MUS81: variants seen among roughly 807,000 people sequenced by gnomAD.
MUS81 encodes the protein MUS81 structure-specific endonuclease subunit.
Under a neutral mutation model 74.2 loss-of-function variants are expected in MUS81, and 69 were observed. That is an observed-to-expected ratio of 0.93 (90% CI 0.77 to 1.14). The LOEUF is 1.14. Ranked by LOEUF, MUS81 falls within the 50% of genes most tolerant of loss-of-function variation. The probability of loss-of-function intolerance (pLI) is 0.00; values close to 1 mark genes in which losing one functional copy is unlikely to be tolerated. For synonymous variants in MUS81, 303 were observed against 300.6 expected (o/e 1.01, Z -0.08); for missense variants, 711 against 726.5 (o/e 0.98, Z 0.25).
rs1225191822 is a variant in MUS81 at position 65,865,064 on chromosome 11, A to G, written c.1320A>G (p.Glu440=). ...SRPWGTPGNP[E]SGAMTSPNPL... is the part of the protein sequence containing the mutation. ...CCTGGGGAACCCCTGGGAACCCTGA[A>G]TCAGGGGCCATGACCTCTCCAAACC... is the stretch of plus-strand genomic sequence containing the variant. Residue 440 remains glutamate (E), a synonymous_variant, in exon 13 of 16, where the codon GAA becomes GAG. Coordinates refer to ENST00000308110, the MANE Select transcript of MUS81 (RefSeq NM_025128.5). 6.2e-7 allele frequency: 1 copy of G among 1,614,018 alleles called. No individual in the cohort carries two copies. Among genetic ancestry groups the G allele is most frequent in the Admixed American group, 1.7e-5 (1 of 60,016 alleles).
At chr11:65,864,992 T>G (rs1223981233) in intron 12 of MUS81, 25 bp from the exon 13 acceptor site, 1 of 1,611,790 alleles carries the variant, frequency 6.2e-7, no homozygotes, top group Non-Finnish European at 8.5e-7. Flanking sequence ...AGCTCCAGCC[T>G]GGCCTCAGTC....
chr11:65,861,255 A>G (rs746906229), intron 2 of MUS81, 95 bp from the exon 3 acceptor site: 64 of 1,533,072 alleles, frequency 4.2e-5, no homozygotes, highest in Non-Finnish European at 4.9e-5. Context: ...AGCCTCCCTC[A>G]CCGGTCTCAC....
At position 65,860,778 on chromosome 11, in the gene MUS81, C is replaced by T. The variant is rs1298024056; in HGVS notation, c.25C>T (p.Arg9Trp). 1 of 1,536,642 alleles carries T rather than the reference C, an allele frequency of 6.5e-7. No homozygotes were observed. The highest frequency in any genetic ancestry group is 8.7e-7 in the Non-Finnish European group (1 of 1,146,104). Reference sequence around the variant, plus strand: ...CATGGCGGCCCCGGTCCGCCTGGGCCGGAAGCGCCCGCTGCCTGCCTGTCC... The same window carrying T: ...CATGGCGGCCCCGGTCCGCCTGGGCTGGAAGCGCCCGCTGCCTGCCTGTCC... MAAPVRLG[R>W]KRPLPACPNP... is the part of the protein sequence containing the mutation. The change falls in exon 1 of 16, where the codon CGG becomes TGG. Residue 9 changes from arginine (R) to tryptophan (W), a missense_variant. Transcript: ENST00000308110.
Position 65,864,552 on chromosome 11 carries a change from G to T in MUS81, c.1115G>T (p.Gly372Val). The T allele has an allele frequency of 6.2e-7, 1 of 1,614,206 alleles. No homozygotes were observed. Among genetic ancestry groups the T allele is most frequent in the Non-Finnish European group, 8.5e-7 (1 of 1,180,036 alleles). Residue 372 changes from glycine to valine, a missense_variant, in exon 11 of 16, where the codon GGT (glycine) becomes GTT (valine). Physicochemically the swap from Gly to Val is moderately radical, Grantham distance 109. Transcript: ENST00000308110. Reference protein sequence around the residue: ...ERRVYLVEEHGSVHNLSLPES... With the variant: ...ERRVYLVEEHVSVHNLSLPES... ...CGGGTATACCTGGTGGAAGAGCATG[G>T]TTCCGTCCACAACCTCAGCCTTCCT... is the stretch of plus-strand genomic sequence containing the variant.
rs764774705 is a variant in MUS81 at position 65,863,815 on chromosome 11, G to A, written c.973G>A (p.Glu325Lys). Residue 325 changes from glutamate to lysine, a missense_variant, in exon 10 of 16, where the codon GAG becomes AAG. Coordinates refer to ENST00000308110, the MANE Select transcript of MUS81 (RefSeq NM_025128.5). ...TGGCTTGTCAGCAGCAAACCCTGGG[G>A]AGTTGGTACTGGATCACATTGTGGA... is the stretch of plus-strand genomic sequence containing the variant. The part of the protein sequence containing the change: ...TNPRDPANPG[E>K]LVLDHIVERK... 4.3e-6 allele frequency: 7 copies of A among 1,614,188 alleles called. 1 individual carries two copies. The South Asian group carries it at 6.6e-5, about 15-fold the overall frequency.
chr11:65,867,242 C>T (rs539386351), downstream of MUS81: 2 of 741,170 alleles, frequency 2.7e-6, no homozygotes, highest in East Asian at 5.4e-5. Context: ...CTCGATGTCT[C>T]TCCTCCCCAC....
intron 14 of MUS81, 93 bp from the exon 15 acceptor site, chr11:65,865,718 C>A: frequency 7.8e-7 from 1 of 1,286,808 alleles, no homozygotes; most frequent in South Asian, 1.3e-5. Context: ...CCCAACTCTT[C>A]CATCCCATGC....
rs762488855 is a variant in MUS81 at position 65,865,339 on chromosome 11, C to T, written c.1505+16C>T. 5 of 1,608,122 alleles carry T rather than the reference C, an allele frequency of 3.1e-6. No individual in the cohort carries two copies. The highest frequency in any genetic ancestry group is 4.3e-6 in the Non-Finnish European group (5 of 1,176,158). The stretch of plus-strand genomic sequence containing the variant: ...CCCCTGCCAGGTAGGCCCTAAAGGG[C>T]CCTTAGGTGTCCTCAGCCCCTGCCC... On this transcript the variant is annotated intron_variant, in intron 14 of 15. Coordinates refer to ENST00000308110, the MANE Select transcript of MUS81 (RefSeq NM_025128.5).
chr11:65,863,503 G>A lies in MUS81; in HGVS notation c.839+1G>A, dbSNP rs750453697. ...GTGTGGACATTGGCGAGACCCGGGG[G>A]TGAGTGAGGTGGGGAGAAACGAGGG... On this transcript the variant is annotated splice_donor_variant, in intron 8 of 15. Transcript: ENST00000308110. LOFTEE classifies it high-confidence loss of function. 13 of 1,614,066 alleles carry A rather than the reference G, an allele frequency of 8.1e-6. No individual in the cohort carries two copies. The African/African-American group carries it at 1.6e-4, about 20-fold the overall frequency.
At chr11:65,866,601 A>C, downstream of MUS81, 1 of 702,848 alleles carries the variant, frequency 1.4e-6, no homozygotes, top group South Asian at 1.5e-5. Context: ...GCCAAGTCCA[A>C]ATCTCTGGGC....
At chr11:65,862,626 T>TG (rs1859651765) in intron 6 of MUS81, 97 bp downstream of exon 6, 74 of 1,161,228 alleles carry the variant, frequency 6.4e-5, no homozygotes, top group East Asian at 3.2e-4. Flanking sequence ...GCTGTTGAGA[T>TG]TGGGGGGGGT....
At chr11:65,861,150 G>A (rs1317406722) in intron 2 of MUS81, 48 bp downstream of exon 2, 1 of 1,609,844 alleles carries the variant, frequency 6.2e-7, no homozygotes, top group South Asian at 1.1e-5. Flanking sequence ...CCCCCAGGTG[G>A]AGCCTCCGTA....
At chr11:65,863,568 T>C (rs1859697336) in intron 8 of MUS81, 32 bp from the exon 9 acceptor site, 1 of 1,613,852 alleles carries the variant, frequency 6.2e-7, no homozygotes, top group Non-Finnish European at 8.5e-7. Flanking sequence ...ACTGCCCTGC[T>C]CTGATCTAGG....
chr11:65,860,638 C>G lies in MUS81; in HGVS notation c.-116C>G, dbSNP rs1371958947. ...GCCCCGTGATCTCAACGGTCCTGCCCTCGGTCTCCCTCTTCCCCCGCCCCG... is the reference window on the plus strand; with the variant it reads ...GCCCCGTGATCTCAACGGTCCTGCCGTCGGTCTCCCTCTTCCCCCGCCCCG... On this transcript the variant is annotated 5_prime_UTR_variant, in exon 1 of 16. Coordinates refer to ENST00000308110, the MANE Select transcript of MUS81 (RefSeq NM_025128.5). The G allele has an allele frequency of 7.0e-7, 1 of 1,437,156 alleles. No individual in the cohort carries two copies. Among genetic ancestry groups the G allele is most frequent in the East Asian group, 2.5e-5 (1 of 40,282 alleles). The allele number at this position is 1,437,156 out of a possible 1,614,324, so 89.0% of individuals were successfully genotyped here. A position where few individuals can be genotyped will look rare whatever the true frequency, so the allele number is the denominator to read the frequency against.
At chr11:65,859,828 G>T (rs563652187), upstream of MUS81, among the ~76,000 whole-genome samples, 1 of 152,294 alleles carries the variant, frequency 6.6e-6, no homozygotes, top group Admixed American at 6.5e-5. Context: ...CTCCCTGAGG[G>T]TCTCCCACTT....
chr11:65,865,315 C>G lies in MUS81; in HGVS notation c.1497C>G (p.Thr499=), dbSNP rs1042358506. The change falls in exon 14 of 16, where the codon ACC becomes ACG. Residue 499 remains threonine (T), a synonymous_variant. Coordinates refer to ENST00000308110, the MANE Select transcript of MUS81 (RefSeq NM_025128.5). ...CAGCCCTGGTGGATCGATACAGCAC[C>G]CCTGCCAGGTAGGCCCTAAAGGGCC... ...KAAALVDRYS[T]PASLLAAYDA... is the part of the protein sequence containing the mutation. 1.2e-6 allele frequency: 2 copies of G among 1,613,706 alleles called. No homozygotes were observed. Among genetic ancestry groups the G allele is most frequent in the Non-Finnish European group, 1.7e-6 (2 of 1,179,798 alleles).
At chr11:65,861,715 A>C (rs1401153462) in intron 3 of MUS81, 1 of 604,162 alleles carries the variant, frequency 1.7e-6, no homozygotes, top group Non-Finnish European at 3.0e-6. Flanking sequence ...CCTGTCCTGC[A>C]GCGCATGGTA....
downstream of MUS81, chr11:65,867,132 GC>G (rs1859865375): frequency 1.2e-6 from 2 of 1,606,586 alleles, no homozygotes; most frequent in Admixed American, 3.3e-5. Context: ...TGTGTGCTAG[GC>G]CCCTGCCCCA....
In MUS81 at chr11:65,863,054, C is replaced by T. The variant is rs749240181; in HGVS notation, c.606-11C>T. The T allele has an allele frequency of 1.2e-6, 2 of 1,614,032 alleles. No homozygotes were observed. Among genetic ancestry groups the T allele is most frequent in the Non-Finnish European group, 1.7e-6 (2 of 1,180,016 alleles). ...AGAAGGTAGAGCTGTGTTGTCCCCT[C>T]TGCCTCCCAGGTACTCATTGACCCC... On this transcript the variant is annotated splice_polypyrimidine_tract_variant and intron_variant, in intron 6 of 15. Transcript: ENST00000308110.
Sources: allele counts gnomAD v4.1 joint callset (sites outside exome capture counted in the v4.1 genomes callset), GRCh38; gene constraint gnomAD v4.1.1; transcripts MANE v1.5; gene names NCBI Gene and HGNC (gene_info 2026-07-23, HGNC 2026-07-21).